MAPK7: variants seen among roughly 807,000 people sequenced by gnomAD.
The protein encoded by MAPK7 is BMK-1.
MAPK7 carries 30 observed loss-of-function variants against 56.9 expected under a neutral mutation model. The observed-to-expected ratio is 0.53, with a 90% confidence interval of 0.39 to 0.72. The LOEUF is 0.72. Among genes scored for constraint, MAPK7 ranks in the 30% least tolerant of loss-of-function variants. The pLI is 0.00. For missense variants in MAPK7, 952 were observed against 1,110.8 expected, an observed-to-expected ratio of 0.86 and a Z score of 2.03; for synonymous variants, 516 against 449.3, an observed-to-expected ratio of 1.15 and a Z score of -1.88.
chr17:19,378,759 T>C lies in MAPK7; in HGVS notation c.-6+129T>C. ...GCCCGGACCCCTGGGGTAGCTAGTCTGCCACGAACCAGCCGCGCGCTTCTG... is the reference window on the plus strand; with the variant it reads ...GCCCGGACCCCTGGGGTAGCTAGTCCGCCACGAACCAGCCGCGCGCTTCTG... On this transcript the variant is annotated intron_variant, in intron 1 of 6. Coordinates refer to ENST00000395604, the MANE Select transcript of MAPK7 (RefSeq NM_002749.4). The surrounding 1 kb of genome is among the most constrained non-coding windows in gnomAD (Gnocchi z 5.4). 7.7e-7 allele frequency: 1 copy of C among 1,291,630 alleles called. No homozygotes were observed. Among genetic ancestry groups the C allele is most frequent in the Non-Finnish European group, 1.0e-6 (1 of 971,474 alleles). The allele number at this position is 1,291,630 out of a possible 1,614,324, so 80.0% of individuals were successfully genotyped here.
In MAPK7 at chr17:19,383,478, A is replaced by G; in HGVS notation, c.*247A>G. 3.0e-6 allele frequency: 1 copy of G among 331,372 alleles called. No individual in the cohort carries two copies. Among genetic ancestry groups the G allele is most frequent in the Non-Finnish European group, 5.4e-6 (1 of 185,214 alleles). The allele number at this position is 331,372 out of a possible 1,614,324, so 20.5% of individuals were successfully genotyped here. ...ATTATATTTTTATTATTATTATGTT[A>G]TTATTACACTGTCTTTTTGCCATCA... is the stretch of plus-strand genomic sequence containing the variant. On this transcript the variant is annotated 3_prime_UTR_variant, in exon 7 of 7. Coordinates refer to ENST00000395604, the MANE Select transcript of MAPK7 (RefSeq NM_002749.4).
In MAPK7 at chr17:19,381,716, G is replaced by A; in HGVS notation, c.1477+30G>A. The A allele has an allele frequency of 6.5e-7, 1 of 1,549,294 alleles. No homozygotes were observed. Among genetic ancestry groups the A allele is most frequent in the Non-Finnish European group, 8.7e-7 (1 of 1,151,122 alleles). ...CTTGTGGGCAGGTCGGGTGGGCAGAGGGGAGACTTGGACTTGGACAAGGCT... is the reference window on the plus strand; with the variant it reads ...CTTGTGGGCAGGTCGGGTGGGCAGAAGGGAGACTTGGACTTGGACAAGGCT... On this transcript the variant is annotated intron_variant, in intron 4 of 6. Coordinates refer to ENST00000395604, the MANE Select transcript of MAPK7 (RefSeq NM_002749.4). This position sits in a 1 kb window ranked among gnomAD's most constrained non-coding sequence, Gnocchi z 4.6.
chr17:19,379,208 C>A, intron 2 of MAPK7, 76 bp downstream of exon 2: 3 of 1,357,420 alleles, frequency 2.2e-6, no homozygotes, highest in Admixed American at 2.0e-5. Context: ...CCCAGACAGC[C>A]GGGAAGGAAA....
In MAPK7 at chr17:19,383,261, T is replaced by G. The variant is rs766132865; in HGVS notation, c.*30T>G. On this transcript the variant is annotated 3_prime_UTR_variant, in exon 7 of 7. Transcript: ENST00000395604. ...CCCAGCCTGTGCCTTGCTGCCACAGTAGACCTAGTTCCAGGATCCATGGGA... is the reference window on the plus strand; with the variant it reads ...CCCAGCCTGTGCCTTGCTGCCACAGGAGACCTAGTTCCAGGATCCATGGGA... The G allele has an allele frequency of 1.2e-6, 2 of 1,610,878 alleles. No homozygotes were observed. The highest frequency in any genetic ancestry group is 4.5e-5 in the East Asian group (2 of 44,824).
Position 19,382,073 on chromosome 17 carries a change from C to A in MAPK7, c.1770C>A (p.Ala590=). ...CCCTCACCTCTGTGCCGGCCCCTGC[C>A]CCAGCGCCAACGCCAACCCCAACCC... The part of the protein sequence containing the change: ...APALTSVPAP[A]PAPTPTPTPV... The change falls in exon 5 of 7, where the codon GCC becomes GCA. Residue 590 remains alanine (A), a synonymous_variant. Coordinates refer to ENST00000395604, the MANE Select transcript of MAPK7 (RefSeq NM_002749.4). 1 of 1,598,276 alleles carries A rather than the reference C, an allele frequency of 6.3e-7. No individual in the cohort carries two copies. Among genetic ancestry groups the A allele is most frequent in the Admixed American group, 1.7e-5 (1 of 57,226 alleles).
chr17:19,380,758 G>C lies in MAPK7; in HGVS notation c.549G>C (p.Leu183=), dbSNP rs2233074. Reference sequence around the variant, plus strand: ...CGGCTCAGGTCATCCACCGTGACCTGAAGCCCTCCAACCTATTGGTGAATG... The same window carrying C: ...CGGCTCAGGTCATCCACCGTGACCTCAAGCCCTCCAACCTATTGGTGAATG... ...MHSAQVIHRD[L]KPSNLLVNEN... is the part of the protein sequence containing the mutation. Residue 183 remains leucine, a synonymous_variant, in exon 4 of 7, where the codon CTG becomes CTC. Coordinates refer to ENST00000395604, the MANE Select transcript of MAPK7 (RefSeq NM_002749.4). 7,546 of 1,614,102 alleles carry C rather than the reference G, an allele frequency of 4.7e-3. 368 individuals are homozygous for C. The East Asian group carries it at 0.11, about 24-fold the overall frequency.
At chr17:19,379,234 T>A in intron 2 of MAPK7, 102 bp downstream of exon 2, 2 of 1,061,758 alleles carry the variant, frequency 1.9e-6, no homozygotes, top group African/African-American at 1.6e-5. Flanking sequence ...GTGCGAGTTC[T>A]GGCTCCAGTC....
upstream of MAPK7, chr17:19,378,282 G>A (rs1186119236): frequency 2.0e-6 from 2 of 986,190 alleles, no homozygotes; most frequent in East Asian, 2.3e-4. The surrounding 1 kb of genome is among the most constrained non-coding windows in gnomAD (Gnocchi z 5.4). Context: ...GCGGTGCAGG[G>A]CGGGGAGCAC....
chr17:19,379,912 G>A lies in MAPK7; in HGVS notation c.363G>A (p.Leu121=), dbSNP rs140899125. 4.2e-5 allele frequency: 67 copies of A among 1,614,214 alleles called. No homozygotes were observed. In the African/African-American group the frequency reaches 7.6e-4, roughly 18 times the overall value. The change falls in exon 3 of 7, where the codon CTG becomes CTA. Residue 121 remains leucine (L), a synonymous_variant. Coordinates refer to ENST00000395604, the MANE Select transcript of MAPK7 (RefSeq NM_002749.4). ...HDNIIAIKDI[L]RPTVPYGEFK... ...ACATCATCGCCATCAAGGACATCCT[G>A]AGGCCCACCGTGCCCTATGGCGAAT...
At position 19,381,479 on chromosome 17, in the gene MAPK7, G is replaced by A; in HGVS notation, c.1270G>A (p.Ala424Thr). The stretch of plus-strand genomic sequence containing the variant: ...AGATGTTGAAATGCCCAGTCCCTGG[G>A]CTCCCAGTGGGGACTGTGCCATGGA... ...CPDVEMPSPWAPSGDCAMESP... is the reference protein window; with the variant it reads ...CPDVEMPSPWTPSGDCAMESP... Residue 424 changes from alanine to threonine, a missense_variant, in exon 4 of 7, where the codon GCT (alanine) becomes ACT (threonine). By Grantham distance (58) the Ala-to-Thr change is moderately conservative (BLOSUM62 0). This residue lies in a region of MAPK7 where 429 missense variants were observed against 533.0 expected (regional missense o/e 0.80). Coordinates refer to ENST00000395604, the MANE Select transcript of MAPK7 (RefSeq NM_002749.4). The surrounding 1 kb of genome is among the most constrained non-coding windows in gnomAD (Gnocchi z 4.6). 1 of 1,614,032 alleles carries A rather than the reference G, an allele frequency of 6.2e-7. No individual in the cohort carries two copies. The highest frequency in any genetic ancestry group is 1.1e-5 in the South Asian group (1 of 91,080).
intron 2 of MAPK7, chr17:19,379,507 C>T (rs1272693633): frequency 1.8e-6 from 1 of 561,702 alleles, no homozygotes; most frequent in Non-Finnish European, 3.2e-6. Flanking sequence ...CTGAGCTACA[C>T]CACTGGGCAT....
At chr17:19,380,517 G>C (rs772709176) in intron 3 of MAPK7, 91 bp from the exon 4 acceptor site, 3 of 1,503,154 alleles carry the variant, frequency 2.0e-6, no homozygotes, top group South Asian at 2.7e-5. Context: ...GCTGTTACCT[G>C]TCTGGAATCG....
upstream of MAPK7, chr17:19,378,289 GCACAC>G: frequency 1.5e-5 from 15 of 986,674 alleles, no homozygotes; most frequent in Non-Finnish European, 1.8e-5. The surrounding 1 kb of genome is among the most constrained non-coding windows in gnomAD (Gnocchi z 5.4). Context: ...AGGGCGGGGA[GCACAC>G]CCCTGCGAAG....
rs1174386297 is a variant in MAPK7 at position 19,381,789 on chromosome 17, A to G, written c.1486A>G (p.Ser496Gly). 1 of 1,544,458 alleles carries G rather than the reference A, an allele frequency of 6.5e-7. No homozygotes were observed. Among genetic ancestry groups the G allele is most frequent in the Non-Finnish European group, 8.7e-7 (1 of 1,148,614 alleles). ...GCCCAACTTCCCCGCAGATGGCCCC[A>G]GCGCACCCCTGGAGGCTCCTGAGCC... ...SLRSRLRDGP[S>G]APLEAPEPRK... Residue 496 changes from serine (S) to glycine (G), a missense_variant, in exon 5 of 7, where the codon AGC becomes GGC. Ser to Gly is a moderately conservative substitution (Grantham distance 56). This residue lies in a region of MAPK7 where 429 missense variants were observed against 533.0 expected (regional missense o/e 0.80). Transcript: ENST00000395604. The surrounding 1 kb of genome is among the most constrained non-coding windows in gnomAD (Gnocchi z 4.6).
At chr17:19,377,923 C>A, upstream of MAPK7, 1 of 985,390 alleles carries the variant, frequency 1.0e-6, no homozygotes, top group Non-Finnish European at 1.2e-6. Flanking sequence ...GGCTCAGCCA[C>A]CGGAAGTCAG....
chr17:19,381,435 C>T lies in MAPK7; in HGVS notation c.1226C>T (p.Ala409Val). ...IRFQPSLQPV[A>V]SEPGCPDVEM... is the part of the protein sequence containing the mutation. The stretch of plus-strand genomic sequence containing the variant: ...TTCCAGCCTTCTCTACAGCCTGTGG[C>T]TAGTGAGCCTGGCTGTCCAGATGTT... Residue 409 changes from alanine (A) to valine (V), a missense_variant, in exon 4 of 7, where the codon GCT (alanine) becomes GTT (valine). Physicochemically the swap from Ala to Val is moderately conservative, Grantham distance 64. Coordinates refer to ENST00000395604, the MANE Select transcript of MAPK7 (RefSeq NM_002749.4). This position sits in a 1 kb window ranked among gnomAD's most constrained non-coding sequence, Gnocchi z 4.6. 2 of 1,614,174 alleles carry T rather than the reference C, an allele frequency of 1.2e-6. No individual in the cohort carries two copies. The highest frequency in any genetic ancestry group is 2.2e-5 in the East Asian group (1 of 44,888).
At position 19,382,596 on chromosome 17, in the gene MAPK7, C is replaced by T. The variant is rs189867712; in HGVS notation, c.2163+130C>T. On this transcript the variant is annotated intron_variant, in intron 5 of 6. Transcript: ENST00000395604. ...TTATCTCTGAACGTGTCCTCTTGCT[C>T]ACAGAAGGAGCATAATGGCAATGAA... 2.0e-4 allele frequency: 302 copies of T among 1,486,058 alleles called. 1 individual carries two copies. The African/African-American group carries it at 3.6e-3, about 18-fold the overall frequency. 92.1% of individuals were successfully genotyped at this position (1,486,058 alleles called of 1,614,324 possible).
At position 19,378,540 on chromosome 17, in the gene MAPK7, C is replaced by G; in HGVS notation, c.-96C>G. Reference sequence around the variant, plus strand: ...TGAGGTGGTGGCTGCGGCCTTTGAACAAGTAAGTGAGCCACCCTCGGAGAC... The same window carrying G: ...TGAGGTGGTGGCTGCGGCCTTTGAAGAAGTAAGTGAGCCACCCTCGGAGAC... On this transcript the variant is annotated 5_prime_UTR_variant, in exon 1 of 7. Coordinates refer to ENST00000395604, the MANE Select transcript of MAPK7 (RefSeq NM_002749.4). The surrounding 1 kb of genome is among the most constrained non-coding windows in gnomAD (Gnocchi z 5.4). The G allele has an allele frequency of 1.7e-6, 2 of 1,154,004 alleles. No homozygotes were observed. The highest frequency in any genetic ancestry group is 2.1e-6 in the Non-Finnish European group (2 of 931,912). 71.5% of individuals were successfully genotyped at this position (1,154,004 alleles called of 1,614,324 possible).
intron 5 of MAPK7, 100 bp downstream of exon 5, chr17:19,382,566 G>A (rs1912810757): frequency 2.7e-6 from 4 of 1,505,638 alleles, no homozygotes; most frequent in Non-Finnish European, 3.5e-6. Flanking sequence ...GCAGCAGATG[G>A]GGCTTTATCT....
Sources: gnomAD v4.1 joint callset for allele counts on GRCh38, gnomAD v4.1.1 for gene constraint, gnomAD v4.1.1 regional missense constraint, Gnocchi (gnomAD v3.1) non-coding constraint, MANE v1.5 for transcripts, NCBI Gene and HGNC (gene_info 2026-07-23, HGNC 2026-07-21) for gene names.